Variants in PCDHGA5 observed in about 807,000 individuals in gnomAD.
PCDHGA5 encodes protocadherin gamma subfamily A, 5.
Under a neutral mutation model 56.7 loss-of-function variants are expected in PCDHGA5, and 36 were observed. The observed-to-expected ratio is 0.64, with a 90% CI of 0.49 to 0.84. PCDHGA5 has a LOEUF of 0.84. Ranked by LOEUF, PCDHGA5 falls within the 40% of genes least tolerant of loss-of-function variation. PCDHGA5 has a pLI of 0.00. For synonymous variants in PCDHGA5, 563 were observed against 520.2 expected (o/e 1.08, Z -1.12); for missense variants, 1,305 against 1,201.5 (o/e 1.09, Z -1.27).
Position 141,421,230 on chromosome 5 carries a change from G to A in PCDHGA5, c.2421+54479G>A, listed in dbSNP as rs530853994. 1.9e-6 allele frequency: 3 copies of A among 1,590,132 alleles called. No individual in the cohort carries two copies. The East Asian group carries it at 6.7e-5, about 36-fold the overall frequency. The stretch of plus-strand genomic sequence containing the variant: ...GGAATATCGGCTTAGAGCCTGCCAT[G>A]GCGAATCGGCTACAGCGCGGGGACC... On this transcript the variant is annotated intron_variant, in intron 1 of 3. Coordinates refer to ENST00000518069, the MANE Select transcript of PCDHGA5 (RefSeq NM_018918.3).
In PCDHGA5 at chr5:141,419,316, G is replaced by A. The variant is rs775328616; in HGVS notation, c.2421+52565G>A. 1.1e-5 allele frequency: 18 copies of A among 1,613,994 alleles called. No individual in the cohort carries two copies. In the South Asian group the frequency reaches 1.8e-4, roughly 16 times the overall value. On this transcript the variant is annotated intron_variant, in intron 1 of 3. Coordinates refer to ENST00000518069, the MANE Select transcript of PCDHGA5 (RefSeq NM_018918.3). ...GACCCAGACTTCGGGCTCAACGGCC[G>A]TGTCTCCTACTCTCTCATTGCCAGC...
rs371319055 is a variant in PCDHGA5 at position 141,399,494 on chromosome 5, G to C, written c.2421+32743G>C. 328 of 1,614,032 alleles carry C rather than the reference G, an allele frequency of 2.0e-4. 1 individual carries two copies. The highest frequency in any genetic ancestry group is 1.7e-3 in the South Asian group (152 of 91,086). ...TTCCACCAGGCGTCCTACTTAGTCA[G>C]TGTACCCGAAAACAACCCTCCTGGG... is the stretch of plus-strand genomic sequence containing the variant. On this transcript the variant is annotated intron_variant, in intron 1 of 3. Coordinates refer to ENST00000518069, the MANE Select transcript of PCDHGA5 (RefSeq NM_018918.3).
chr5:141,391,230 G>C (rs2092321546), intron 1 of PCDHGA5: 1 of 152,026 alleles, frequency 6.6e-6, no homozygotes, highest in Non-Finnish European at 1.5e-5. Flanking sequence ...TGAGCCTTTT[G>C]CTAGGTATAT....
At chr5:141,474,756 T>C (rs2099354156) in intron 1 of PCDHGA5, among the ~76,000 whole-genome samples, 1 of 152,244 alleles carries the variant, frequency 6.6e-6, no homozygotes, top group Non-Finnish European at 1.5e-5. Flanking sequence ...AAGACAAATA[T>C]ACAGAAATAG....
intron 1 of PCDHGA5, 166 bp downstream of exon 1, chr5:141,366,917 A>G: frequency 9.1e-7 from 1 of 1,095,104 alleles, no homozygotes; most frequent in South Asian, 1.7e-5. Context: ...ATTTGTTTTC[A>G]AATTCTGTTT....
At chr5:141,392,946 G>C (rs1175467046) in intron 1 of PCDHGA5, 11 of 1,613,940 alleles carry the variant, frequency 6.8e-6, no homozygotes, top group Non-Finnish European at 9.3e-6. Flanking sequence ...AGGCTCCTTC[G>C]TGGGTAATAT....
intron 1 of PCDHGA5, chr5:141,383,588 T>C: frequency 6.2e-7 from 1 of 1,613,646 alleles, no homozygotes; most frequent in Non-Finnish European, 8.5e-7. Context: ...CACATCCAGG[T>C]GACAGTGGTG....
At chr5:141,389,320 T>TG (rs764190187) in intron 1 of PCDHGA5, 4 of 1,613,964 alleles carry the variant, frequency 2.5e-6, no homozygotes, top group Non-Finnish European at 3.4e-6. Context: ...GATCCGGACT[T>TG]GGGGCCCAAC....
chr5:141,474,626 G>A (rs1006911535), intron 1 of PCDHGA5, among the ~76,000 whole-genome samples: 5 of 152,288 alleles, frequency 3.3e-5, no homozygotes, highest in African/African-American at 9.6e-5. Flanking sequence ...CATCTCTTCC[G>A]GAAATATCCT....
intron 1 of PCDHGA5, chr5:141,410,199 A>G: frequency 6.2e-7 from 1 of 1,613,998 alleles, no homozygotes; most frequent in South Asian, 1.1e-5. Flanking sequence ...GTCTTCGCAG[A>G]CAACTTGCAA....
At chr5:141,434,489 C>T (rs921000136) in intron 1 of PCDHGA5, among the ~76,000 whole-genome samples, 4 of 152,158 alleles carry the variant, frequency 2.6e-5, no homozygotes, top group Non-Finnish European at 4.4e-5. Flanking sequence ...ACACCTGGCC[C>T]GCCCAGGGCA....
At position 141,477,910 on chromosome 5, in the gene PCDHGA5, G is replaced by C. The variant is rs766164142; in HGVS notation, c.2422-16897G>C. ...TGTCACGGGTGGTAGGCTGGGACGC[G>C]GATGCAGGGCACAATGCCTGGCTCT... On this transcript the variant is annotated intron_variant, in intron 1 of 3. Coordinates refer to ENST00000518069, the MANE Select transcript of PCDHGA5 (RefSeq NM_018918.3). This position sits in a 1 kb window ranked among gnomAD's most constrained non-coding sequence, Gnocchi z 4.9. 3 of 1,614,168 alleles carry C rather than the reference G, an allele frequency of 1.9e-6. No homozygotes were observed. Among genetic ancestry groups the C allele is most frequent in the Non-Finnish European group, 2.5e-6 (3 of 1,180,032 alleles).
At chr5:141,415,702 GC>G (rs754496290) in intron 1 of PCDHGA5, 1 of 1,403,056 alleles carries the variant, frequency 7.1e-7, no homozygotes, top group South Asian at 1.3e-5. Context: ...AAGTGTAAAT[GC>G]TAAAACACTG....
intron 1 of PCDHGA5, chr5:141,433,309 T>C: frequency 1.1e-6 from 1 of 901,134 alleles, no homozygotes; most frequent in Admixed American, 2.7e-5. Context: ...TTATCCCACC[T>C]TTGCCTCCGG....
intron 1 of PCDHGA5, chr5:141,379,352 A>G (rs1189647778): frequency 1.3e-5 from 2 of 152,198 alleles, no homozygotes; most frequent in Non-Finnish European, 2.9e-5. Flanking sequence ...ATTTTCTTGT[A>G]TCTTTGTGAT....
rs1480686339 is a variant in PCDHGA5, at chr5:141,415,643, A to G, written c.2421+48892A>G. ...TTTATTTTCATTTTTACTTTTGTTA[A>G]AAAAAAAAAGATTGGTTTTTACTTT... is the stretch of plus-strand genomic sequence containing the variant. On this transcript the variant is annotated intron_variant, in intron 1 of 3. Transcript: ENST00000518069. The G allele has an allele frequency of 5.1e-6, 8 of 1,571,752 alleles. No individual in the cohort carries two copies. In the South Asian group the frequency reaches 9.1e-5, roughly 18 times the overall value.
Position 141,397,948 on chromosome 5 carries a change from C to T in PCDHGA5, c.2421+31197C>T, listed in dbSNP as rs139631080. The T allele has an allele frequency of 7.9e-4, 721 of 913,614 alleles. 6 individuals are homozygous for T. The African/African-American group carries it at 0.01, about 13-fold the overall frequency. The allele number at this position is 913,614 out of a possible 1,614,324, so 56.6% of individuals were successfully genotyped here. On this transcript the variant is annotated intron_variant, in intron 1 of 3. Coordinates refer to ENST00000518069, the MANE Select transcript of PCDHGA5 (RefSeq NM_018918.3). Reference sequence around the variant, plus strand: ...CGCAGCCGCAGCGCGCTTTCCAGGGCAGCCCCAGCTCAGACTCCCCAGCGC... The same window carrying T: ...CGCAGCCGCAGCGCGCTTTCCAGGGTAGCCCCAGCTCAGACTCCCCAGCGC...
chr5:141,435,194 C>G (rs538114313), intron 1 of PCDHGA5, among the ~76,000 whole-genome samples: 85 of 152,214 alleles, frequency 5.6e-4, no homozygotes, highest in Middle Eastern at 6.8e-3. Flanking sequence ...AGATGGCTAG[C>G]AAATTCATAA....
rs1312195504 is a variant in PCDHGA5 at position 141,429,392 on chromosome 5, A to ATTTTT, written c.2421+62641_2421+62642insTTTTT. On this transcript the variant is annotated intron_variant, in intron 1 of 3. Transcript: ENST00000518069. Reference sequence around the variant, plus strand: ...GAGAAAATGTGTTTTTTTTTTAAAAAAAATTGAGATTAAGGTCTCATTATG... The same window carrying ATTTTT: ...GAGAAAATGTGTTTTTTTTTTAAAAATTTTTAAATTGAGATTAAGGTCTCATTATG... Among the ~76,000 whole-genome samples, 131 of 152,104 alleles carry ATTTTT rather than the reference A, an allele frequency of 8.6e-4. 1 individual carries two copies. Among genetic ancestry groups the ATTTTT allele is most frequent in the Non-Finnish European group, 1.5e-3 (100 of 67,974 alleles).
Sources: gnomAD v4.1 joint callset for allele counts (sites outside exome capture counted in the v4.1 genomes callset) on GRCh38, gnomAD v4.1.1 for gene constraint, Gnocchi (gnomAD v3.1) non-coding constraint, MANE v1.5 for transcripts, NCBI Gene and HGNC (gene_info 2026-07-23, HGNC 2026-07-21) for gene names.